ANKDD1A: variants seen among roughly 807,000 people sequenced by gnomAD.
The protein encoded by ANKDD1A is ankyrin repeat and death domain containing 1A.
Under a neutral mutation model 63.5 loss-of-function variants are expected in ANKDD1A, and 59 were observed. The observed-to-expected ratio is 0.93, with a 90% confidence interval of 0.75 to 1.15. The LOEUF (loss-of-function observed/expected upper bound fraction) is 1.15, where lower values mean the gene tolerates loss of function less well. ANKDD1A is among the 50% of genes most tolerant of loss of function. ANKDD1A has a pLI of 0.00. For synonymous variants in ANKDD1A, 266 were observed against 263.9 expected, an observed-to-expected ratio of 1.01 and a Z score of -0.08; for missense variants, 632 against 656.4, an observed-to-expected ratio of 0.96 and a Z score of 0.41.
At position 64,916,802 on chromosome 15, in the gene ANKDD1A, C is replaced by T. The variant is rs562469329; in HGVS notation, c.139-584C>T. Among the ~76,000 whole-genome samples the T allele has an allele frequency of 2.6e-5, 4 of 152,250 alleles. No homozygotes were observed. In the East Asian group the frequency reaches 7.7e-4, roughly 29 times the overall value. ...TCATTGTCCCCTCATAAGCTGAGAA[C>T]TACAGAGGGGAGAAGTGGGCACAGG... On this transcript the variant is annotated intron_variant, in intron 2 of 14. Coordinates refer to ENST00000319580, the MANE Select transcript of ANKDD1A (RefSeq NM_182703.6).
At chr15:64,935,491 T>C (rs1297387341) in intron 9 of ANKDD1A, among the ~76,000 whole-genome samples, 8 of 151,832 alleles carry the variant, frequency 5.3e-5, no homozygotes, top group Non-Finnish European at 1.0e-4. Flanking sequence ...CTGGATAACA[T>C]GGTGAAACCC....
intron 9 of ANKDD1A, among the ~76,000 whole-genome samples, chr15:64,938,899 C>T (rs373336451): frequency 3.2e-4 from 48 of 150,278 alleles, no homozygotes; most frequent in East Asian, 2.9e-3. Context: ...GAGCCGAGAT[C>T]GCGCCACTGC....
chr15:64,917,653 C>T (rs927960401), intron 3 of ANKDD1A, 139 bp downstream of exon 3: 29 of 1,289,998 alleles, frequency 2.2e-5, no homozygotes, highest in East Asian at 1.8e-4. Flanking sequence ...AGGCTTCAGG[C>T]GCAGGGACAC....
At chr15:64,956,355 C>T (rs914795481) in intron 14 of ANKDD1A, among the ~76,000 whole-genome samples, 2 of 151,926 alleles carry the variant, frequency 1.3e-5, no homozygotes, top group Non-Finnish European at 2.9e-5. Context: ...CGAGACCATC[C>T]TGGCTAACAC....
chr15:64,913,473 C>A (rs2084947302), intron 1 of ANKDD1A, among the ~76,000 whole-genome samples: 1 of 152,094 alleles, frequency 6.6e-6, no homozygotes. Flanking sequence ...GTTTTCATAT[C>A]TCATTTCTAA....
At chr15:64,919,853 C>T (rs1174119971) in intron 3 of ANKDD1A, 1 of 152,718 alleles carries the variant, frequency 6.5e-6, no homozygotes, top group African/African-American at 2.4e-5. Context: ...GCCCCAGCCT[C>T]TGCTTCCCTC....
chr15:64,915,161 C>G (rs2084959521), intron 1 of ANKDD1A, among the ~76,000 whole-genome samples: 1 of 152,174 alleles, frequency 6.6e-6, no homozygotes, highest in South Asian at 2.1e-4. Flanking sequence ...AAAAATTAAC[C>G]AGGTGTGGTG....
chr15:64,923,524 A>C (rs904211917), intron 4 of ANKDD1A, among the ~76,000 whole-genome samples: 72 of 152,244 alleles, frequency 4.7e-4, no homozygotes, highest in African/African-American at 1.6e-3. Context: ...GAAGGGGTCT[A>C]TAGGCTTCAC....
rs368268659 is a variant in ANKDD1A at position 64,933,182 on chromosome 15, C to A, written c.769-954C>A. On this transcript the variant is annotated intron_variant, in intron 8 of 14. Coordinates refer to ENST00000319580, the MANE Select transcript of ANKDD1A (RefSeq NM_182703.6). The stretch of plus-strand genomic sequence containing the variant: ...TTCCCACTGGGAGATGGACTGAGTC[C>A]CACACACCCCAGGTACTCGCTCAGC... Among the ~76,000 whole-genome samples the A allele has an allele frequency of 5.9e-5, 9 of 152,206 alleles. No homozygotes were observed. The East Asian group carries it at 1.3e-3, about 23-fold the overall frequency.
At chr15:64,917,598 G>A (rs957220786) in intron 3 of ANKDD1A, 84 bp downstream of exon 3, 13 of 1,492,322 alleles carry the variant, frequency 8.7e-6, no homozygotes, top group Non-Finnish European at 1.2e-5. Flanking sequence ...TGCCGAGATT[G>A]CTGCTAATAT....
Position 64,930,205 on chromosome 15 carries a change from C to T in ANKDD1A, c.571-617C>T, listed in dbSNP as rs555851525. ...GCAAACCACCAATGCACACGTTTAC[C>T]GATGTAACAAACCTGCACATTCTGC... On this transcript the variant is annotated intron_variant, in intron 6 of 14. Coordinates refer to ENST00000319580, the MANE Select transcript of ANKDD1A (RefSeq NM_182703.6). 4.6e-5 allele frequency among the ~76,000 whole-genome samples: 7 copies of T among 151,466 alleles called. No individual in the cohort carries two copies. In the South Asian group the frequency reaches 6.2e-4, roughly 14 times the overall value.
chr15:64,956,581 G>A (rs1191362122), intron 14 of ANKDD1A, among the ~76,000 whole-genome samples: 1 of 152,168 alleles, frequency 6.6e-6, no homozygotes, highest in Admixed American at 6.5e-5. Context: ...AAGAGACAGA[G>A]TTTCACGCTT....
Position 64,958,659 on chromosome 15 carries a change from T to A in ANKDD1A, c.*1471T>A, listed in dbSNP as rs908034806. 1 of 152,238 alleles carries A rather than the reference T, an allele frequency of 6.6e-6. No individual in the cohort carries two copies. The highest frequency in any genetic ancestry group is 1.5e-5 in the Non-Finnish European group (1 of 68,032). 9.4% of individuals were successfully genotyped at this position (152,238 alleles called of 1,614,324 possible). ...ATTTTTTTCTGAGAAAAAAAAGTTC[T>A]TAAATACAATAAAATTGAAATGTTG... On this transcript the variant is annotated 3_prime_UTR_variant, in exon 15 of 15. Coordinates refer to ENST00000319580, the MANE Select transcript of ANKDD1A (RefSeq NM_182703.6).
intron 14 of ANKDD1A, among the ~76,000 whole-genome samples, chr15:64,953,621 C>CTCCTTCTTAG (rs2085350899): frequency 3.6e-5 from 1 of 27,886 alleles, no homozygotes. Context: ...TCTCCTTCTT[C>CTCCTTCTTAG]TTCTTCTTCC....
intron 14 of ANKDD1A, among the ~76,000 whole-genome samples, chr15:64,952,399 CCTT>C (rs200820237): frequency 0.029 from 1,656 of 56,786 alleles, 55 homozygotes; most frequent in African/African-American, 0.091. Flanking sequence ...TCTTCTTCCT[CCTT>C]CTTCTTCTTC....
At chr15:64,921,748 A>T (rs1382306132) in intron 3 of ANKDD1A, among the ~76,000 whole-genome samples, 173 bp from the exon 4 acceptor site, 2 of 148,068 alleles carry the variant, frequency 1.4e-5, no homozygotes, top group African/African-American at 2.7e-5. Flanking sequence ...ATCAGCCTCT[A>T]TTTAAAAAAA....
intron 1 of ANKDD1A, among the ~76,000 whole-genome samples, 156 bp from the exon 2 acceptor site, chr15:64,915,641 C>T (rs1367517904): frequency 6.6e-6 from 1 of 152,114 alleles, no homozygotes; most frequent in Non-Finnish European, 1.5e-5. Context: ...GGACCCTGAC[C>T]TTGAGAGGGA....
At chr15:64,934,272 CA>C (rs1485506789) in intron 9 of ANKDD1A, 38 bp downstream of exon 9, 4 of 1,572,104 alleles carry the variant, frequency 2.5e-6, no homozygotes, top group Non-Finnish European at 2.6e-6. Flanking sequence ...GTCTCCATTG[CA>C]AAGCCTTCCA....
intron 2 of ANKDD1A, 42 bp from the exon 3 acceptor site, chr15:64,917,344 G>A: frequency 6.4e-7 from 1 of 1,563,042 alleles, no homozygotes; most frequent in Non-Finnish European, 8.7e-7. Flanking sequence ...CAGGCAGCCA[G>A]GTGGCAGCAG....
Sources: gnomAD v4.1 joint callset for allele counts (sites outside exome capture counted in the v4.1 genomes callset) on GRCh38, gnomAD v4.1.1 for gene constraint, MANE v1.5 for transcripts, NCBI Gene and HGNC (gene_info 2026-07-23, HGNC 2026-07-21) for gene names.